Variants in WFIKKN1 observed in about 807,000 individuals in gnomAD.
WFIKKN1 encodes WAP, follistatin/kazal, immunoglobulin, kunitz and netrin domain containing 1.
In WFIKKN1, 6 loss-of-function variants were observed where a neutral mutation model predicts 4.6. The observed-to-expected ratio is 1.31, with a 90% confidence interval of 0.72 to 2.59. The LOEUF (loss-of-function observed/expected upper bound fraction) is 2.59. WFIKKN1 is among the 30% of genes most tolerant of loss of function. The probability of loss-of-function intolerance (pLI) is 0.00; values close to 1 mark genes in which losing one functional copy is unlikely to be tolerated. For missense variants in WFIKKN1, 964 were observed against 818.0 expected (o/e 1.18, Z -2.18); for synonymous variants, 468 against 367.4 (o/e 1.27, Z -3.13).
rs544104251 is a variant in WFIKKN1 at position 632,872 on chromosome 16, C to G, written c.462C>G (p.Ile154Met). The change falls in exon 2 of 2, where the codon ATC becomes ATG. Residue 154 changes from isoleucine to methionine, a missense_variant. Transcript: ENST00000319070. ...EACLRGLHLH[I>M]VPCKHVLSWP... Reference sequence around the variant, plus strand: ...GCCTGCGGGGCCTGCACCTCCACATCGTGCCCTGCAAGCACGTGCTCAGCT... The same window carrying G: ...GCCTGCGGGGCCTGCACCTCCACATGGTGCCCTGCAAGCACGTGCTCAGCT... 2.9e-5 allele frequency: 46 copies of G among 1,576,198 alleles called. 1 individual carries two copies. In the East Asian group the frequency reaches 7.2e-4, roughly 25 times the overall value.
Position 633,946 on chromosome 16 carries a change from C to G in WFIKKN1, c.1536C>G (p.Ala512=). Residue 512 remains alanine (A), a synonymous_variant, in exon 2 of 2, where the codon GCC becomes GCG. Coordinates refer to ENST00000319070, the MANE Select transcript of WFIKKN1 (RefSeq NM_053284.3). ...VIMGEVRDGV[A]VLDAGSYVRA... is the part of the protein sequence containing the mutation. Reference sequence around the variant, plus strand: ...TGGGTGAGGTGCGCGATGGCGTGGCCGTGCTGGACGCCGGCAGCTACGTCC... The same window carrying G: ...TGGGTGAGGTGCGCGATGGCGTGGCGGTGCTGGACGCCGGCAGCTACGTCC... 1.3e-6 allele frequency: 2 copies of G among 1,595,674 alleles called. No individual in the cohort carries two copies. The highest frequency in any genetic ancestry group is 1.7e-6 in the Non-Finnish European group (2 of 1,172,014).
chr16:633,008 G>T lies in WFIKKN1; in HGVS notation c.598G>T (p.Gly200Trp). The change falls in exon 2 of 2, where the codon GGG becomes TGG. Residue 200 changes from glycine (G) to tryptophan (W), a missense_variant. By Grantham distance (184) the Gly-to-Trp change is radical. Transcript: ENST00000319070. Reference sequence around the variant, plus strand: ...CCCCTCCCCACAGGCGGTGCAGGTTGGGGGTACGGCCAGCCTCCACTGCGA... The same window carrying T: ...CCCCTCCCCACAGGCGGTGCAGGTTTGGGGTACGGCCAGCCTCCACTGCGA... The part of the protein sequence containing the change: ...SSPSPQAVQV[G>W]GTASLHCDVS... 6.2e-7 allele frequency: 1 copy of T among 1,605,338 alleles called. No homozygotes were observed. Among genetic ancestry groups the T allele is most frequent in the Non-Finnish European group, 8.5e-7 (1 of 1,175,772 alleles).
At position 633,307 on chromosome 16, in the gene WFIKKN1, C is replaced by A; in HGVS notation, c.897C>A (p.Cys299Ter). The A allele has an allele frequency of 6.3e-7, 1 of 1,594,606 alleles. No homozygotes were observed. The highest frequency in any genetic ancestry group is 8.5e-7 in the Non-Finnish European group (1 of 1,175,036). ...CCAGCATCCCAGCCCCGGCCGAGTG[C>A]CTGCCGGATGTGCAGGCCTGCACGG... is the stretch of plus-strand genomic sequence containing the variant. ...AAPSIPAPAE[C>*]LPDVQACTGP... The change falls in exon 2 of 2, where the codon TGC becomes TGA. Residue 299 changes from cysteine to a stop codon, truncating the protein, a stop_gained. Transcript: ENST00000319070. LOFTEE classifies it low-confidence loss of function (END_TRUNC).
rs140748520 is a variant in WFIKKN1, at chr16:631,679, G to A, written c.171+255G>A. 8.6e-3 allele frequency: 2,139 copies of A among 248,292 alleles called. 41 individuals are homozygous for A. Among genetic ancestry groups the A allele is most frequent in the East Asian group, 0.05 (776 of 15,614 alleles). The allele number at this position is 248,292 out of a possible 1,614,324, so 15.4% of individuals were successfully genotyped here. ...CATCCTCGGCGACCACCCCCACCCC[G>A]TCACTGCCTCTCCTCCCACCCTCTC... On this transcript the variant is annotated intron_variant, in intron 1 of 1. Coordinates refer to ENST00000319070, the MANE Select transcript of WFIKKN1 (RefSeq NM_053284.3).
chr16:633,625 C>T lies in WFIKKN1; in HGVS notation c.1215C>T (p.Cys405=), dbSNP rs774889768. Residue 405 remains cysteine, a synonymous_variant, in exon 2 of 2, where the codon TGC becomes TGT. Transcript: ENST00000319070. The stretch of plus-strand genomic sequence containing the variant: ...ACAACTTCCACAGCCGCGAGAGCTG[C>T]GAGGATGCCTGCCCCGTGCCGCGCA... The part of the protein sequence containing the change: ...NGNNFHSRES[C]EDACPVPRTP... The T allele has an allele frequency of 5.7e-6, 9 of 1,571,914 alleles. No individual in the cohort carries two copies. The highest frequency in any genetic ancestry group is 2.3e-5 in the South Asian group (2 of 86,620).
Position 633,985 on chromosome 16 carries a change from G to A in WFIKKN1, c.1575G>A (p.Glu525=), listed in dbSNP as rs1478800914. Residue 525 remains glutamate, a synonymous_variant, in exon 2 of 2, where the codon GAG becomes GAA. Coordinates refer to ENST00000319070, the MANE Select transcript of WFIKKN1 (RefSeq NM_053284.3). ...DAGSYVRAAS[E]KRVKKILELL... ...GCAGCTACGTCCGCGCCGCCAGCGA[G>A]AAGCGCGTCAAGAAGATCTTGGAGC... 2 of 1,602,706 alleles carry A rather than the reference G, an allele frequency of 1.2e-6. No homozygotes were observed. Among genetic ancestry groups the A allele is most frequent in the South Asian group, 1.1e-5 (1 of 89,554 alleles).
At chr16:632,497 A>G in intron 1 of WFIKKN1, 85 bp from the exon 2 acceptor site, 4 of 1,387,994 alleles carry the variant, frequency 2.9e-6, no homozygotes, top group Non-Finnish European at 3.7e-6. Context: ...CTGCTACCCC[A>G]CCTGGGCCTC....
Position 632,852 on chromosome 16 carries a change from C to G in WFIKKN1, c.442C>G (p.Arg148Gly). The change falls in exon 2 of 2, where the codon CGG (arginine) becomes GGG (glycine). Residue 148 changes from arginine (R) to glycine (G), a missense_variant. Physicochemically the swap from Arg to Gly is moderately radical, Grantham distance 125. Coordinates refer to ENST00000319070, the MANE Select transcript of WFIKKN1 (RefSeq NM_053284.3). ...CTATATGGACGCCGAGGCCTGCCTG[C>G]GGGGCCTGCACCTCCACATCGTGCC... ...RCYMDAEACLRGLHLHIVPCK... is the reference protein window; with the variant it reads ...RCYMDAEACLGGLHLHIVPCK... 1 of 1,572,970 alleles carries G rather than the reference C, an allele frequency of 6.4e-7. No homozygotes were observed. The highest frequency in any genetic ancestry group is 8.6e-7 in the Non-Finnish European group (1 of 1,157,054).
rs200591545 is a variant in WFIKKN1 at position 631,376 on chromosome 16, G to A, written c.123G>A (p.Leu41=). The change falls in exon 1 of 2, where the codon CTG becomes CTA. Residue 41 remains leucine, a synonymous_variant. Coordinates refer to ENST00000319070, the MANE Select transcript of WFIKKN1 (RefSeq NM_053284.3). ...GCCCCAACCAGCTCAGCCCCAACCTGTGGGTGGACGCCCAGAGCACCTGTG... is the reference window on the plus strand; with the variant it reads ...GCCCCAACCAGCTCAGCCCCAACCTATGGGTGGACGCCCAGAGCACCTGTG... The part of the protein sequence containing the change: ...GVCPNQLSPN[L]WVDAQSTCER... 6 of 1,609,270 alleles carry A rather than the reference G, an allele frequency of 3.7e-6. No homozygotes were observed. The highest frequency in any genetic ancestry group is 3.3e-5 in the Admixed American group (2 of 59,932).
chr16:631,225 C>G lies in WFIKKN1; in HGVS notation c.-29C>G. 1 of 1,527,992 alleles carries G rather than the reference C, an allele frequency of 6.5e-7. No individual in the cohort carries two copies. Among genetic ancestry groups the G allele is most frequent in the Non-Finnish European group, 8.8e-7 (1 of 1,142,512 alleles). 94.7% of individuals were successfully genotyped at this position (1,527,992 alleles called of 1,614,324 possible). On this transcript the variant is annotated 5_prime_UTR_variant, in exon 1 of 2. Transcript: ENST00000319070. Reference sequence around the variant, plus strand: ...GCCCGAGGAGGGGCTGGTGGCCACACCCCCCGGCCCCCTGGCTCGGCGGCC... The same window carrying G: ...GCCCGAGGAGGGGCTGGTGGCCACAGCCCCCGGCCCCCTGGCTCGGCGGCC...
In WFIKKN1 at chr16:633,610, CAGCCGCGAG is replaced by C. The variant is rs747181793; in HGVS notation, c.1204_1212del (p.Arg402_Ser404del). On this transcript the variant is annotated inframe_deletion, in exon 2 of 2. Transcript: ENST00000319070. ...GCGAGGGCAACGGCAACAACTTCCACAGCCGCGAGAGCTGCGAGGATGCCTGCCCCGTGC... is the reference window on the plus strand; with the variant it reads ...GCGAGGGCAACGGCAACAACTTCCACAGCTGCGAGGATGCCTGCCCCGTGC... The C allele has an allele frequency of 3.8e-5, 60 of 1,572,974 alleles. No individual in the cohort carries two copies. The highest frequency in any genetic ancestry group is 4.7e-5 in the Non-Finnish European group (55 of 1,165,292).
Position 632,727 on chromosome 16 carries a change from A to G in WFIKKN1, c.317A>G (p.Asp106Gly). Reference sequence around the variant, plus strand: ...TGCCCACAGCAGGGCTCGGACTGCGACATCTGGGACGGGCAGCCCGTGTGC... The same window carrying G: ...TGCCCACAGCAGGGCTCGGACTGCGGCATCTGGGACGGGCAGCCCGTGTGC... ...FVCPQQGSDCDIWDGQPVCRC... is the reference protein window; with the variant it reads ...FVCPQQGSDCGIWDGQPVCRC... The change falls in exon 2 of 2, where the codon GAC (aspartate) becomes GGC (glycine). Residue 106 changes from aspartate (D) to glycine (G), a missense_variant. Transcript: ENST00000319070. The G allele has an allele frequency of 6.2e-7, 1 of 1,610,638 alleles. No homozygotes were observed. Among genetic ancestry groups the G allele is most frequent in the East Asian group, 2.2e-5 (1 of 44,820 alleles).
chr16:631,528 GTCTGGGTCTGGGCCCCT>G lies in WFIKKN1; in HGVS notation c.171+106_171+122del. 23 of 1,433,008 alleles carry G rather than the reference GTCTGGGTCTGGGCCCCT, an allele frequency of 1.6e-5. No individual in the cohort carries two copies. The South Asian group carries it at 3.1e-4, about 19-fold the overall frequency. 88.8% of individuals were successfully genotyped at this position (1,433,008 alleles called of 1,614,324 possible). On this transcript the variant is annotated intron_variant, in intron 1 of 1. Transcript: ENST00000319070. ...CCTGGGCTCCCCAGACTTCTGGGGG[GTCTGGGTCTGGGCCCCT>G]TAAGGGGCCCAGAGACACCCCCATC...
chr16:632,463 G>A (rs2036961962), intron 1 of WFIKKN1, 119 bp from the exon 2 acceptor site: 1 of 1,269,964 alleles, frequency 7.9e-7, no homozygotes, highest in East Asian at 3.0e-5. Flanking sequence ...TCCCCGGGGA[G>A]GCAGCCACAG....
intron 1 of WFIKKN1, 162 bp downstream of exon 1, chr16:631,586 CTTAA>C (rs2036949087): frequency 1.2e-6 from 1 of 826,198 alleles, no homozygotes; most frequent in Non-Finnish European, 1.7e-6. Flanking sequence ...CCTCATTTGT[CTTAA>C]GAATAAGAGC....
In WFIKKN1 at chr16:633,025, C is replaced by T; in HGVS notation, c.615C>T (p.Leu205=). 3 of 1,609,974 alleles carry T rather than the reference C, an allele frequency of 1.9e-6. No individual in the cohort carries two copies. The highest frequency in any genetic ancestry group is 2.5e-6 in the Non-Finnish European group (3 of 1,178,502). ...TGCAGGTTGGGGGTACGGCCAGCCT[C>T]CACTGCGACGTCAGCGGCCGCCCGC... The part of the protein sequence containing the change: ...QAVQVGGTAS[L]HCDVSGRPPP... The change falls in exon 2 of 2, where the codon CTC becomes CTT. Residue 205 remains leucine (L), a synonymous_variant. Transcript: ENST00000319070.
intron 1 of WFIKKN1, chr16:632,116 G>A (rs1299449701): frequency 4.2e-4 from 57 of 134,370 alleles, no homozygotes; most frequent in Admixed American, 3.9e-4. Flanking sequence ...CCCCGTCACT[G>A]CCTCTCCTTC....
intron 1 of WFIKKN1, 198 bp from the exon 2 acceptor site, chr16:632,384 T>C (rs2036961062): frequency 1.8e-6 from 1 of 546,724 alleles, no homozygotes; most frequent in Admixed American, 4.0e-5. Flanking sequence ...GGTGTGAGGA[T>C]TCTGGAAGGT....
chr16:633,733 C>A lies in WFIKKN1; in HGVS notation c.1323C>A (p.Leu441=), dbSNP rs757849816. The part of the protein sequence containing the change: ...CRSDFAIVGR[L]TEVLEEPEAA... ...GCGACTTCGCCATCGTGGGGCGGCT[C>A]ACGGAGGTGCTGGAGGAGCCCGAGG... Residue 441 remains leucine (L), a synonymous_variant, in exon 2 of 2, where the codon CTC becomes CTA. Coordinates refer to ENST00000319070, the MANE Select transcript of WFIKKN1 (RefSeq NM_053284.3). The A allele has an allele frequency of 4.4e-6, 7 of 1,589,328 alleles. No individual in the cohort carries two copies. The highest frequency in any genetic ancestry group is 1.7e-6 in the Non-Finnish European group (2 of 1,168,452).
Sources: gnomAD v4.1 joint callset for allele counts on GRCh38, gnomAD v4.1.1 for gene constraint, MANE v1.5 for transcripts, NCBI Gene and HGNC (gene_info 2026-07-23, HGNC 2026-07-21) for gene names.